The following DHRS7B variants were observed in gnomAD, a reference collection of about 807,000 sequenced individuals.
The protein encoded by DHRS7B is dehydrogenase/reductase 7B.
DHRS7B carries 24 observed loss-of-function variants against 26.4 expected under a neutral mutation model. The observed-to-expected ratio is 0.91, with a 90% CI of 0.66 to 1.28. DHRS7B has a LOEUF of 1.28. Ranked by LOEUF, DHRS7B falls within the 50% of genes most tolerant of loss-of-function variation. The pLI, the probability that DHRS7B is intolerant of heterozygous loss-of-function variation, is 0.00. For missense variants in DHRS7B, 368 were observed against 419.4 expected, an observed-to-expected ratio of 0.88 and a Z score of 1.07; for synonymous variants, 142 against 166.4, an observed-to-expected ratio of 0.85 and a Z score of 1.13.
chr17:21,175,460 C>T (rs1974354939), intron 2 of DHRS7B, among the ~76,000 whole-genome samples: 1 of 152,206 alleles, frequency 6.6e-6, no homozygotes, highest in Non-Finnish European at 1.5e-5. Flanking sequence ...AGGCCATTCC[C>T]TTTCATGAAC....
chr17:21,177,333 A>G (rs1003196480), intron 2 of DHRS7B, among the ~76,000 whole-genome samples: 9 of 152,264 alleles, frequency 5.9e-5, no homozygotes, highest in African/African-American at 2.2e-4. Flanking sequence ...GAACTTCCCC[A>G]CAATCCCTCT....
At chr17:21,138,206 T>C (rs1973407337) in intron 1 of DHRS7B, among the ~76,000 whole-genome samples, 17 of 115,496 alleles carry the variant, frequency 1.5e-4, no homozygotes, top group South Asian at 3.1e-4. Context: ...CATCCATCCC[T>C]CCTTCTTTTT....
At chr17:21,180,957 T>C (rs961690814) in intron 3 of DHRS7B, among the ~76,000 whole-genome samples, 9 of 152,254 alleles carry the variant, frequency 5.9e-5, no homozygotes, top group Non-Finnish European at 1.3e-4. Flanking sequence ...TTCCATGAAC[T>C]TACATCTTCT....
intron 1 of DHRS7B, chr17:21,127,988 T>A (rs1973138222): frequency 6.6e-6 from 1 of 152,240 alleles, no homozygotes; most frequent in South Asian, 2.1e-4. Flanking sequence ...TTTGAGTGTT[T>A]GCTATGTTAC....
intron 1 of DHRS7B, among the ~76,000 whole-genome samples, chr17:21,159,333 C>T (rs549614989): frequency 4.0e-5 from 6 of 151,494 alleles, no homozygotes; most frequent in African/African-American, 1.5e-4. Flanking sequence ...TTGCAACCTC[C>T]GCCTCCCGGG....
chr17:21,184,603 CA>C, intron 5 of DHRS7B, 140 bp downstream of exon 5: 1 of 821,788 alleles, frequency 1.2e-6, no homozygotes, highest in Non-Finnish European at 1.9e-6. Flanking sequence ...ATGTGTTCTC[CA>C]GAGCCACATG....
At position 21,184,372 on chromosome 17, in the gene DHRS7B, ACTC is replaced by A; in HGVS notation, c.531_533del (p.Leu178del). 1 of 1,613,516 alleles carries A rather than the reference ACTC, an allele frequency of 6.2e-7. No homozygotes were observed. The highest frequency in any genetic ancestry group is 8.5e-7 in the Non-Finnish European group (1 of 1,179,850). ...CTAAGCCTCTGCATCTGTCCTCAGC[ACTC>A]CTGCCCTCCATGATCAAGAGGAGGC... On this transcript the variant is annotated inframe_deletion and splice_region_variant, in exon 5 of 7. Transcript: ENST00000395511.
At chr17:21,138,200 C>T (rs1335814120) in intron 1 of DHRS7B, among the ~76,000 whole-genome samples, 2 of 140,002 alleles carry the variant, frequency 1.4e-5, no homozygotes, top group Non-Finnish European at 3.0e-5. Flanking sequence ...CTTGAACATC[C>T]ATCCCTCCTT....
intron 1 of DHRS7B, among the ~76,000 whole-genome samples, chr17:21,163,285 G>A (rs551824081): frequency 6.6e-6 from 1 of 152,046 alleles, no homozygotes; most frequent in African/African-American, 2.4e-5. Context: ...TACATTGTCA[G>A]GACACTAGGG....
chr17:21,178,077 C>T (rs1238776848), intron 2 of DHRS7B, among the ~76,000 whole-genome samples, 156 bp from the exon 3 acceptor site: 2 of 152,282 alleles, frequency 1.3e-5, no homozygotes, highest in Non-Finnish European at 2.9e-5. Flanking sequence ...GTGAGCCCGG[C>T]ATTGGGCCCT....
chr17:21,150,572 G>A (rs1973748736), intron 1 of DHRS7B, among the ~76,000 whole-genome samples: 1 of 152,104 alleles, frequency 6.6e-6, no homozygotes, highest in South Asian at 2.1e-4. Context: ...AGCCGAGATT[G>A]CACCATTGCA....
chr17:21,188,892 G>A, intron 6 of DHRS7B, 29 bp downstream of exon 6: 1 of 1,613,968 alleles, frequency 6.2e-7, no homozygotes, highest in Non-Finnish European at 8.5e-7. Flanking sequence ...TTTCTCCTAT[G>A]AAAATCTGTC....
chr17:21,173,518 G>A (rs1974306939), intron 2 of DHRS7B, among the ~76,000 whole-genome samples: 1 of 152,216 alleles, frequency 6.6e-6, no homozygotes, highest in Non-Finnish European at 1.5e-5. Flanking sequence ...GTCCTGTAGG[G>A]ACTTATACAG....
chr17:21,156,563 C>T (rs1320465194), intron 1 of DHRS7B, among the ~76,000 whole-genome samples: 2 of 150,362 alleles, frequency 1.3e-5, no homozygotes, highest in Non-Finnish European at 1.5e-5. Flanking sequence ...CAATATTGCA[C>T]CACTGCACTC....
chr17:21,165,718 C>G (rs965347704), intron 1 of DHRS7B, among the ~76,000 whole-genome samples: 2 of 152,026 alleles, frequency 1.3e-5, no homozygotes, highest in African/African-American at 4.8e-5. Flanking sequence ...GAGTTCGAGA[C>G]CAGCCTGGCC....
At chr17:21,143,720 C>G (rs904127066) in intron 1 of DHRS7B, among the ~76,000 whole-genome samples, 1 of 152,062 alleles carries the variant, frequency 6.6e-6, no homozygotes, top group African/African-American at 2.4e-5. Context: ...CTGTGTGTGC[C>G]CCTTCTGAGG....
intron 5 of DHRS7B, among the ~76,000 whole-genome samples, chr17:21,187,541 G>T (rs1974668822): frequency 6.6e-6 from 1 of 151,140 alleles, no homozygotes; most frequent in African/African-American, 2.4e-5. Flanking sequence ...GAGAAGAACG[G>T]TGTGAACCCG....
chr17:21,138,066 T>TTTAAAAA (rs71357468), intron 1 of DHRS7B, among the ~76,000 whole-genome samples: 1 of 35,230 alleles, frequency 2.8e-5, no homozygotes, highest in African/African-American at 1.7e-4. Flanking sequence ...CGGCCTCTTT[T>TTTAAAAA]AAAAAAAAAA....
Position 21,172,174 on chromosome 17 carries a change from C to T in DHRS7B, c.177C>T (p.Gly59=), listed in dbSNP as rs776385519. The change falls in exon 2 of 7, where the codon GGC becomes GGT. Residue 59 remains glycine, a synonymous_variant. Coordinates refer to ENST00000395511, the MANE Select transcript of DHRS7B (RefSeq NM_015510.5). ...GGAATGCTGTGGTGGTGATCACAGG[C>T]GCCACCTCAGGGCTGGGCAAAGGTG... is the stretch of plus-strand genomic sequence containing the variant. The part of the protein sequence containing the change: ...YLRNAVVVIT[G]ATSGLGKECA... 43 of 1,612,968 alleles carry T rather than the reference C, an allele frequency of 2.7e-5. 1 individual carries two copies. In the East Asian group the frequency reaches 6.2e-4, roughly 23 times the overall value.
Sources: allele counts gnomAD v4.1 joint callset (sites outside exome capture counted in the v4.1 genomes callset), GRCh38; gene constraint gnomAD v4.1.1; transcripts MANE v1.5; gene names NCBI Gene and HGNC (gene_info 2026-07-23, HGNC 2026-07-21).